The following NRXN3 variants were observed in gnomAD, a reference collection of about 807,000 sequenced individuals.
The protein encoded by NRXN3 is neurexin III.
A neutral mutation model predicts 137.6 loss-of-function variants in NRXN3; 32 were observed. The observed-to-expected ratio is 0.23, with a 90% CI of 0.18 to 0.31. NRXN3 has a LOEUF of 0.31. Among genes scored for constraint, NRXN3 ranks in the 10% least tolerant of loss-of-function variants. NRXN3 has a pLI of 1.00. For synonymous variants in NRXN3, 798 were observed against 784.5 expected, an observed-to-expected ratio of 1.02 and a Z score of -0.29; for missense variants, 1,574 against 2,062.5, an observed-to-expected ratio of 0.76 and a Z score of 4.59.
At chr14:78,263,873 T>TTGTGTGTGTGTGTGTG (rs3059009) in intron 2 of NRXN3, among the ~76,000 whole-genome samples, 2 of 135,584 alleles carry the variant, frequency 1.5e-5, no homozygotes, top group African/African-American at 5.6e-5. Flanking sequence ...CAGTTCTATT[T>TTGTGTGTGTGTGTGTG]TGTGTGTGTG....
intron 16 of NRXN3, among the ~76,000 whole-genome samples, chr14:79,612,412 C>T (rs539387895): frequency 6.6e-6 from 1 of 152,266 alleles, no homozygotes; most frequent in East Asian, 1.9e-4. Context: ...GTACAGTGAT[C>T]TTTTTGCTGG....
At chr14:78,878,795 T>G (rs1012061973) in intron 10 of NRXN3, among the ~76,000 whole-genome samples, 2 of 152,194 alleles carry the variant, frequency 1.3e-5, no homozygotes, top group African/African-American at 4.8e-5. Context: ...TTTCTTGAAC[T>G]TATTGTTCCA....
In NRXN3 at chr14:78,606,342, T is replaced by A. The variant is rs552064357; in HGVS notation, c.758-38778T>A. Among the ~76,000 whole-genome samples, 4 of 152,296 alleles carry A rather than the reference T, an allele frequency of 2.6e-5. No homozygotes were observed. The East Asian group carries it at 7.7e-4, about 29-fold the overall frequency. On this transcript the variant is annotated intron_variant, in intron 4 of 20. Coordinates refer to ENST00000335750, the MANE Select transcript of NRXN3 (RefSeq NM_001330195.2). ...TTTTTTTAGTCAGGAAATACCAACT[T>A]CAGTTTTCTTTGATCATGTGATTTC...
At chr14:79,459,706 TAATA>T (rs938046859) in intron 15 of NRXN3, among the ~76,000 whole-genome samples, 1 of 152,010 alleles carries the variant, frequency 6.6e-6, no homozygotes, top group Non-Finnish European at 1.5e-5. Context: ...CTAAGATATA[TAATA>T]AATAATATAT....
chr14:79,809,254 G>C (rs1254547576), intron 20 of NRXN3, among the ~76,000 whole-genome samples: 1 of 152,048 alleles, frequency 6.6e-6, no homozygotes, highest in Non-Finnish European at 1.5e-5. Flanking sequence ...TAACAAATTT[G>C]TTTTAGAATT....
intron 15 of NRXN3, among the ~76,000 whole-genome samples, chr14:79,433,781 A>G (rs2095801256): frequency 6.6e-6 from 1 of 152,214 alleles, no homozygotes; most frequent in African/African-American, 2.4e-5. Flanking sequence ...TATCTGGTCT[A>G]GATGGGTCTA....
intron 16 of NRXN3, among the ~76,000 whole-genome samples, chr14:79,501,555 A>G (rs1422373368): frequency 6.6e-6 from 1 of 152,186 alleles, no homozygotes; most frequent in African/African-American, 2.4e-5. Flanking sequence ...GAAGTCCTCC[A>G]TCACAGCCTG....
intron 4 of NRXN3, among the ~76,000 whole-genome samples, chr14:78,539,670 C>T (rs1316606562): frequency 1.3e-5 from 2 of 152,048 alleles, no homozygotes; most frequent in Non-Finnish European, 2.9e-5. Flanking sequence ...TTTGTTTGCT[C>T]TTGTTTCTGT....
chr14:79,335,980 C>G (rs764541782), intron 15 of NRXN3, among the ~76,000 whole-genome samples: 1 of 152,070 alleles, frequency 6.6e-6, no homozygotes, highest in Non-Finnish European at 1.5e-5. Context: ...TAATATGCAC[C>G]TACTTATATG....
intron 4 of NRXN3, among the ~76,000 whole-genome samples, chr14:78,383,973 G>T (rs1448235997): frequency 6.6e-6 from 1 of 152,202 alleles, no homozygotes; most frequent in Non-Finnish European, 1.5e-5. Flanking sequence ...AAGCCAATTG[G>T]TCCTGTGGCA....
rs145622273 is a variant in NRXN3, at chr14:79,574,481, C to T, written c.3445-89297C>T. Among the ~76,000 whole-genome samples, 272 of 152,216 alleles carry T rather than the reference C, an allele frequency of 1.8e-3. 1 individual carries two copies. The highest frequency in any genetic ancestry group is 6.3e-3 in the African/African-American group (262 of 41,548). On this transcript the variant is annotated intron_variant, in intron 16 of 20. Transcript: ENST00000335750. The stretch of plus-strand genomic sequence containing the variant: ...AAGATATTTCATGTAAATCATCTAG[C>T]GTACTGCCAGATATATTTTATAGTC...
At chr14:79,189,122 G>A (rs531285348) in intron 15 of NRXN3, among the ~76,000 whole-genome samples, 2,512 of 151,768 alleles carry the variant, frequency 0.017, 66 homozygotes, top group African/African-American at 0.058. Context: ...CAATAGCAAA[G>A]ACTTGGAACC....
chr14:79,010,110 A>G (rs1345249144), intron 15 of NRXN3, among the ~76,000 whole-genome samples: 1 of 152,188 alleles, frequency 6.6e-6, no homozygotes, highest in African/African-American at 2.4e-5. Context: ...CAGAATTTAT[A>G]TCAGCTCCTT....
intron 15 of NRXN3, among the ~76,000 whole-genome samples, chr14:79,141,234 G>A (rs2058761405): frequency 1.3e-5 from 2 of 152,178 alleles, no homozygotes; most frequent in African/African-American, 4.8e-5. Context: ...GAAAGGTCAA[G>A]CTGTCTCCAT....
chr14:78,275,297 A>C (rs2073412851), intron 2 of NRXN3, among the ~76,000 whole-genome samples: 1 of 152,202 alleles, frequency 6.6e-6, no homozygotes, highest in Non-Finnish European at 1.5e-5. Flanking sequence ...TGTTTAAAGC[A>C]GAGTTCAGCC....
intron 15 of NRXN3, among the ~76,000 whole-genome samples, chr14:79,417,605 T>A (rs1321022257): frequency 6.6e-6 from 1 of 152,126 alleles, no homozygotes; most frequent in African/African-American, 2.4e-5. Context: ...AGCAGTAATA[T>A]CCTGGGGCTG....
intron 15 of NRXN3, among the ~76,000 whole-genome samples, chr14:79,136,888 C>A (rs1320193561): frequency 6.6e-6 from 1 of 152,112 alleles, no homozygotes. Context: ...TTCTGAAATG[C>A]CAGGAATTGG....
At chr14:79,595,120 T>C (rs779216008) in intron 16 of NRXN3, among the ~76,000 whole-genome samples, 8 of 152,194 alleles carry the variant, frequency 5.3e-5, no homozygotes, top group Non-Finnish European at 7.3e-5. Flanking sequence ...TTGCAGAAAG[T>C]ATTGGTGGCC....
intron 4 of NRXN3, among the ~76,000 whole-genome samples, chr14:78,520,210 G>C (rs1056224379): frequency 1.3e-5 from 2 of 152,276 alleles, no homozygotes; most frequent in East Asian, 3.9e-4. Flanking sequence ...CTGTCCAATG[G>C]TGAGCTTATT....
Sources: gnomAD v4.1 joint callset for allele counts (sites outside exome capture counted in the v4.1 genomes callset) on GRCh38, gnomAD v4.1.1 for gene constraint, MANE v1.5 for transcripts, NCBI Gene and HGNC (gene_info 2026-07-23, HGNC 2026-07-21) for gene names.